The following RERE variants were observed in gnomAD, a reference collection of about 807,000 sequenced individuals.
RERE encodes the protein arginine-glutamic acid dipeptide repeats, also known as arginine-glutamic acid dipeptide repeats protein.
Under a neutral mutation model 146.1 loss-of-function variants are expected in RERE, and 40 were observed. That is an observed-to-expected ratio of 0.27 (90% confidence interval 0.21 to 0.36). The LOEUF is 0.36. Among genes scored for constraint, RERE ranks in the 10% least tolerant of loss-of-function variants. The pLI, the probability that RERE is intolerant of heterozygous loss-of-function variation, is 1.00. For missense variants in RERE, 1,933 were observed against 2,138.7 expected, an observed-to-expected ratio of 0.90 and a Z score of 1.90; for synonymous variants, 1,003 against 866.0, an observed-to-expected ratio of 1.16 and a Z score of -2.78.
intron 4 of RERE, among the ~76,000 whole-genome samples, chr1:8,586,464 T>G (rs188643493): frequency 8.5e-4 from 130 of 152,350 alleles, no homozygotes; most frequent in Non-Finnish European, 1.6e-3. Context: ...ATCTGTGTTT[T>G]ATTCTACAAT....
chr1:8,685,115 C>T (rs1489269230), intron 1 of RERE, among the ~76,000 whole-genome samples: 1 of 152,176 alleles, frequency 6.6e-6, no homozygotes, highest in Non-Finnish European at 1.5e-5. Flanking sequence ...TTCTAGGCTG[C>T]CCAAAGCACT....
chr1:8,352,625 C>T lies in RERE; in HGVS notation c.*2462G>A, dbSNP rs1641139725. On this transcript the variant is annotated 3_prime_UTR_variant, in exon 23 of 23. Transcript: ENST00000400908. The stretch of plus-strand genomic sequence containing the variant: ...TCTGCCGCAGTGGAGTGAAGCTCAA[C>T]CTCGAGGACACCGAACAAGATACGG... 1 of 152,418 alleles carries T rather than the reference C, an allele frequency of 6.6e-6. No individual in the cohort carries two copies. The highest frequency in any genetic ancestry group is 1.5e-5 in the Non-Finnish European group (1 of 68,038). 9.4% of individuals were successfully genotyped at this position (152,418 alleles called of 1,614,324 possible). A position where few individuals can be genotyped will look rare whatever the true frequency, so the allele number is the denominator to read the frequency against.
intron 10 of RERE, among the ~76,000 whole-genome samples, chr1:8,466,294 C>T (rs576211636): frequency 2.6e-5 from 4 of 152,228 alleles, no homozygotes; most frequent in African/African-American, 7.2e-5. Context: ...TCCCATAAAG[C>T]AAACATTTAG....
intron 12 of RERE, among the ~76,000 whole-genome samples, chr1:8,383,014 A>T (rs948770474): frequency 1.4e-4 from 2 of 14,018 alleles, no homozygotes; most frequent in Non-Finnish European, 2.8e-4. Flanking sequence ...GACTAAGTTA[A>T]AAAAAAAAAA....
intron 1 of RERE, among the ~76,000 whole-genome samples, chr1:8,790,646 C>G (rs993842818): frequency 2.0e-5 from 3 of 152,216 alleles, no homozygotes; most frequent in Non-Finnish European, 4.4e-5. Flanking sequence ...TGTAGTAGCA[C>G]GATCTCAGAT....
chr1:8,691,333 T>C (rs966284331), intron 1 of RERE, among the ~76,000 whole-genome samples: 8 of 152,230 alleles, frequency 5.3e-5, no homozygotes, highest in African/African-American at 1.7e-4. Flanking sequence ...AGTTTATCTC[T>C]ATGTCCTCAT....
At chr1:8,509,569 A>C (rs1270830694) in intron 7 of RERE, among the ~76,000 whole-genome samples, 4 of 152,196 alleles carry the variant, frequency 2.6e-5, no homozygotes, top group African/African-American at 9.7e-5. Context: ...GCACTTTGGG[A>C]GGCTAAGGCG....
intron 3 of RERE, among the ~76,000 whole-genome samples, chr1:8,619,182 G>A (rs1458421230): frequency 6.6e-6 from 1 of 152,186 alleles, no homozygotes; most frequent in Non-Finnish European, 1.5e-5. Flanking sequence ...CCAGCATTTA[G>A]AAAGTAGGCT....
At chr1:8,684,833 CTCAT>C (rs1639049215) in intron 1 of RERE, among the ~76,000 whole-genome samples, 1 of 83,902 alleles carries the variant, frequency 1.2e-5, no homozygotes, top group African/African-American at 5.1e-5. Context: ...AATCCCTTTA[CTCAT>C]TCATCCATTC....
At chr1:8,606,951 T>C (rs1646719161) in intron 4 of RERE, among the ~76,000 whole-genome samples, 1 of 152,138 alleles carries the variant, frequency 6.6e-6, no homozygotes, top group African/African-American at 2.4e-5. Context: ...ATATAGACTC[T>C]AAAAAAGGAT....
intron 1 of RERE, among the ~76,000 whole-genome samples, chr1:8,773,861 A>G (rs760742440): frequency 6.6e-6 from 1 of 152,214 alleles, no homozygotes; most frequent in Non-Finnish European, 1.5e-5. Flanking sequence ...ACAATGCTGT[A>G]CATACATTTG....
chr1:8,495,603 C>T (rs892717849), intron 9 of RERE, among the ~76,000 whole-genome samples: 4 of 152,208 alleles, frequency 2.6e-5, no homozygotes, highest in Non-Finnish European at 5.9e-5. Context: ...TGAGCCATCA[C>T]GCCCAGACCA....
At chr1:8,491,561 G>A (rs1401062897) in intron 10 of RERE, among the ~76,000 whole-genome samples, 1 of 151,514 alleles carries the variant, frequency 6.6e-6, no homozygotes, top group East Asian at 1.9e-4. Context: ...CAAGGCTGCA[G>A]TGAGCCGTGA....
At chr1:8,526,794 T>C (rs1450412014) in intron 7 of RERE, among the ~76,000 whole-genome samples, 1 of 152,136 alleles carries the variant, frequency 6.6e-6, no homozygotes, top group Non-Finnish European at 1.5e-5. Flanking sequence ...CATCCAAAAA[T>C]CTCATTTGAG....
At chr1:8,573,165 G>C (rs1419441189) in intron 4 of RERE, among the ~76,000 whole-genome samples, 1 of 151,888 alleles carries the variant, frequency 6.6e-6, no homozygotes, top group Non-Finnish European at 1.5e-5. Flanking sequence ...ATATTTGACA[G>C]GCAGAAAGGT....
At position 8,495,103 on chromosome 1, in the gene RERE, G is replaced by A. The variant is rs1475553231; in HGVS notation, c.1064C>T (p.Ala355Val). The part of the protein sequence containing the change: ...DGGSTEDGCV[A>V]ASRDDTTLNA... Reference sequence around the variant, plus strand: ...CAGAGTGGTGTCATCCCGAGAGGCTGCGACACAGCCGTCCTCTGTAGAGCC... The same window carrying A: ...CAGAGTGGTGTCATCCCGAGAGGCTACGACACAGCCGTCCTCTGTAGAGCC... Residue 355 changes from alanine (A) to valine (V), a missense_variant, in exon 10 of 23, where the codon GCA becomes GTA. By Grantham distance (64) the Ala-to-Val change is moderately conservative (BLOSUM62 0). Transcript: ENST00000400908. 6.2e-7 allele frequency: 1 copy of A among 1,613,992 alleles called. No homozygotes were observed. Among genetic ancestry groups the A allele is most frequent in the Admixed American group, 1.7e-5 (1 of 60,020 alleles).
intron 12 of RERE, among the ~76,000 whole-genome samples, chr1:8,403,554 C>T (rs530353765): frequency 3.6e-4 from 55 of 151,426 alleles, no homozygotes; most frequent in Admixed American, 1.8e-3. Flanking sequence ...TTAGTAGAGG[C>T]AGGGTTTCAC....
chr1:8,458,146 C>T (rs1168122251), intron 11 of RERE, among the ~76,000 whole-genome samples: 1 of 152,138 alleles, frequency 6.6e-6, no homozygotes, highest in Non-Finnish European at 1.5e-5. Flanking sequence ...AGAAACTGCA[C>T]AAGAAAAGGG....
chr1:8,534,246 T>G (rs1570403729), intron 7 of RERE, among the ~76,000 whole-genome samples: 1 of 152,226 alleles, frequency 6.6e-6, no homozygotes, highest in East Asian at 1.9e-4. Context: ...AGGAAAAAAA[T>G]GGTCCCAAGG....
Sources: allele counts gnomAD v4.1 joint callset (sites outside exome capture counted in the v4.1 genomes callset), GRCh38; gene constraint gnomAD v4.1.1; transcripts MANE v1.5; gene names NCBI Gene and HGNC (gene_info 2026-07-23, HGNC 2026-07-21).